TMLHE: variants seen among roughly 807,000 people sequenced by gnomAD.
TMLHE encodes the protein trimethyllysine hydroxylase, epsilon.
TMLHE carries 18 observed loss-of-function variants against 25.7 expected under a neutral mutation model. That is an observed-to-expected ratio of 0.70 (90% CI 0.48 to 1.04). The LOEUF (loss-of-function observed/expected upper bound fraction) is 1.04. TMLHE is among the 50% of genes least tolerant of loss of function. TMLHE has a pLI of 0.00. For missense variants in TMLHE, 236 were observed against 259.0 expected (o/e 0.91, Z 0.61); for synonymous variants, 105 against 97.0 (o/e 1.08, Z -0.49).
intron 2 of TMLHE, among the ~76,000 whole-genome samples, chrX:155,528,040 A>T (rs782790045): frequency 9.9e-5 from 11 of 111,392 alleles, no homozygotes; most frequent in Non-Finnish European, 9.4e-5. Flanking sequence ...AACTGCCCCC[A>T]GCCTTGGTAA....
intron 1 of TMLHE, among the ~76,000 whole-genome samples, chrX:155,561,698 G>C (rs61064856): frequency 0.06 from 3,752 of 62,214 alleles, 597 homozygotes; most frequent in African/African-American, 0.12. Context: ...ACAAGCATTG[G>C]GTAAATGCTC....
intron 2 of TMLHE, among the ~76,000 whole-genome samples, chrX:155,533,881 T>C (rs2067263818): frequency 9.0e-6 from 1 of 111,724 alleles, no homozygotes. Context: ...AAGAGATAAA[T>C]GAATTGAAGA....
chrX:155,551,702 T>C (rs1251982557), intron 1 of TMLHE, among the ~76,000 whole-genome samples: 1 of 110,220 alleles, frequency 9.1e-6, no homozygotes, highest in Non-Finnish European at 1.9e-5. Context: ...TCCTGTAAGT[T>C]CTCTAACATA....
At chrX:155,510,712 G>A (rs1258292831) in intron 5 of TMLHE, among the ~76,000 whole-genome samples, 4 of 108,369 alleles carry the variant, frequency 3.7e-5, no homozygotes, top group Admixed American at 3.0e-4. Flanking sequence ...GTAAACATAC[G>A]TGTGCATGTG....
intron 1 of TMLHE, among the ~76,000 whole-genome samples, chrX:155,608,737 G>A (rs1029417433): frequency 8.1e-5 from 9 of 111,787 alleles, no homozygotes; most frequent in Non-Finnish European, 1.5e-4. Context: ...TTAAAAAGTG[G>A]GCAAAGGATA....
At chrX:155,510,560 CCCT>C (rs1169171760) in intron 5 of TMLHE, among the ~76,000 whole-genome samples, 1 of 109,014 alleles carries the variant, frequency 9.2e-6, no homozygotes, top group Non-Finnish European at 1.9e-5. Context: ...CCATCCATGT[CCCT>C]ACAAAGGACA....
rs1557334323 is a variant in TMLHE at position 155,514,111 on chromosome X, T to C, written c.513A>G (p.Leu171=). The change falls in exon 4 of 8, where the codon TTA becomes TTG. Residue 171 remains leucine, a synonymous_variant. Transcript: ENST00000334398. ...QVPSVDCQSF[L]ETNEGLKKFL... is the part of the protein sequence containing the mutation. Reference sequence around the variant, plus strand: ...ACTTCTTCAGTCCCTCGTTGGTTTCTAAGAAGCTCTGGCAATCTACCGATG... The same window carrying C: ...ACTTCTTCAGTCCCTCGTTGGTTTCCAAGAAGCTCTGGCAATCTACCGATG... 8.3e-7 allele frequency: 1 copy of C among 1,211,310 alleles called. No individual in the cohort carries two copies. The highest frequency in any genetic ancestry group is 3.0e-5 in the East Asian group (1 of 33,812).
intron 2 of TMLHE, among the ~76,000 whole-genome samples, chrX:155,540,255 T>A (rs185104279): frequency 2.7e-5 from 3 of 111,229 alleles, no homozygotes; most frequent in Non-Finnish European, 3.8e-5. Flanking sequence ...AAAATCCAAC[T>A]GTCAAAAGTC....
At chrX:155,522,932 A>C (rs782618328) in intron 3 of TMLHE, among the ~76,000 whole-genome samples, 1 of 110,996 alleles carries the variant, frequency 9.0e-6, no homozygotes, top group Non-Finnish European at 1.9e-5. Context: ...GAAATTACCA[A>C]ACTGTTTTCC....
In TMLHE at chrX:155,565,844, G is replaced by C. The variant is rs782610309; in HGVS notation, c.-1-20567C>G. Among the ~76,000 whole-genome samples the C allele has an allele frequency of 1.4e-3, 87 of 62,106 alleles. 9 individuals are homozygous for C. The highest frequency in any genetic ancestry group is 2.5e-3 in the African/African-American group (71 of 28,013). The allele number at this position is 62,106 out of a possible 115,157, so 53.9% of individuals were successfully genotyped here. A position where few individuals can be genotyped will look rare whatever the true frequency, so the allele number is the denominator to read the frequency against. The stretch of plus-strand genomic sequence containing the variant: ...ACTTGCCCTTTGGGGGGTAGCCTTT[G>C]GCTGCTGTGAGTTTGTAGTAAAAGT... On this transcript the variant is annotated intron_variant, in intron 1 of 7. Transcript: ENST00000334398.
intron 1 of TMLHE, among the ~76,000 whole-genome samples, chrX:155,557,709 C>T (rs782657244): frequency 1.8e-5 from 2 of 111,379 alleles, no homozygotes; most frequent in East Asian, 5.6e-4. Flanking sequence ...ATCCCCCCTA[C>T]ACCTAAACTG....
chrX:155,551,569 A>C (rs1367174273), intron 1 of TMLHE, among the ~76,000 whole-genome samples: 1 of 109,580 alleles, frequency 9.1e-6, no homozygotes, highest in Non-Finnish European at 1.9e-5. Context: ...ATGATCACAA[A>C]ATAAGTTAGA....
At chrX:155,535,639 C>A (rs2067274542) in intron 2 of TMLHE, among the ~76,000 whole-genome samples, 1 of 112,141 alleles carries the variant, frequency 8.9e-6, no homozygotes, top group Non-Finnish European at 1.9e-5. Context: ...TAATCTGTAG[C>A]AGAAACTCTT....
chrX:155,570,968 G>A lies in TMLHE; in HGVS notation c.-1-25691C>T, dbSNP rs2067545480. ...ACATTCAAAAGCTAGCAGAAGGCAA[G>A]AAATAACTAAAATCAGAGCAGAACT... On this transcript the variant is annotated intron_variant, in intron 1 of 7. Transcript: ENST00000334398. 3.5e-5 allele frequency among the ~76,000 whole-genome samples: 2 copies of A among 56,556 alleles called. 1 individual carries two copies. The highest frequency in any genetic ancestry group is 8.5e-5 in the African/African-American group (2 of 23,513). The allele number at this position is 56,556 out of a possible 115,157, so 49.1% of individuals were successfully genotyped here.
At chrX:155,525,208 G>A (rs1312079168) in intron 2 of TMLHE, among the ~76,000 whole-genome samples, 1 of 111,451 alleles carries the variant, frequency 9.0e-6, no homozygotes, top group Non-Finnish European at 1.9e-5. Context: ...GAGGTGATTG[G>A]ATCATGGGGG....
chrX:155,524,127 T>G (rs376802316), intron 3 of TMLHE: 1 of 163,469 alleles, frequency 6.1e-6, no homozygotes, highest in African/African-American at 3.0e-5. Context: ...TTAATTTTTC[T>G]TGACTTACTA....
chrX:155,547,832 C>A (rs2124417800), intron 1 of TMLHE, among the ~76,000 whole-genome samples: 1 of 111,023 alleles, frequency 9.0e-6, no homozygotes, highest in Admixed American at 9.6e-5. Context: ...CCCATTCTTT[C>A]AAGGAAACTG....
At chrX:155,579,953 CA>C (rs781816890) in intron 1 of TMLHE, among the ~76,000 whole-genome samples, 2,090 of 91,152 alleles carry the variant, frequency 0.023, 18 homozygotes, top group Admixed American at 0.023. Context: ...TCGCAAGCAA[CA>C]AAAAAAAAAA....
intron 1 of TMLHE, among the ~76,000 whole-genome samples, chrX:155,585,501 T>C (rs1557345200): frequency 1.8e-5 from 2 of 109,816 alleles, no homozygotes; most frequent in Non-Finnish European, 3.8e-5. Flanking sequence ...ATAAACAAAA[T>C]GTTTTGTATG....
Sources: allele counts gnomAD v4.1 joint callset (sites outside exome capture counted in the v4.1 genomes callset), GRCh38; gene constraint gnomAD v4.1.1; transcripts MANE v1.5; gene names NCBI Gene and HGNC (gene_info 2026-07-23, HGNC 2026-07-21).